Variants in DIDO1 observed in about 807,000 individuals in gnomAD.
DIDO1 encodes death inducer-obliterator 1, also known as death-inducer obliterator 1.
Under a neutral mutation model 99.4 loss-of-function variants are expected in DIDO1, and 16 were observed. The observed-to-expected ratio is 0.16, with a 90% confidence interval of 0.11 to 0.24. DIDO1 has a LOEUF of 0.24. DIDO1 is among the 10% of genes least tolerant of loss of function. The pLI is 1.00. For synonymous variants in DIDO1, 1,366 were observed against 1,239.1 expected, an observed-to-expected ratio of 1.10 and a Z score of -2.15; for missense variants, 2,996 against 3,014.0, an observed-to-expected ratio of 0.99 and a Z score of 0.14.
intron 15 of DIDO1, among the ~76,000 whole-genome samples, chr20:62,886,256 G>A (rs1235111576): frequency 6.6e-6 from 1 of 152,264 alleles, no homozygotes; most frequent in African/African-American, 2.4e-5. Context: ...GAAGGGTACT[G>A]ATCAGGCCTG....
At chr20:62,910,135 TAG>T in intron 3 of DIDO1, 115 bp from the exon 4 acceptor site, 1 of 1,152,780 alleles carries the variant, frequency 8.7e-7, no homozygotes, top group Non-Finnish European at 1.2e-6. Context: ...TACAGAAAAG[TAG>T]AGATTAAGAA....
Position 62,883,464 on chromosome 20 carries a change from G to A in DIDO1, c.3542-1050C>T, listed in dbSNP as rs765480180. On this transcript the variant is annotated intron_variant, in intron 15 of 15. Coordinates refer to ENST00000395343, the MANE Select transcript of DIDO1 (RefSeq NM_001193369.2). ...TTCCAGCACTTTGGGAGGCCAAGGCGGGTGGATCACAAAGTCAAGAGTTTG... is the reference window on the plus strand; with the variant it reads ...TTCCAGCACTTTGGGAGGCCAAGGCAGGTGGATCACAAAGTCAAGAGTTTG... 1.8e-3 allele frequency among the ~76,000 whole-genome samples: 270 copies of A among 152,038 alleles called. 1 individual carries two copies. The highest frequency in any genetic ancestry group is 7.3e-3 in the Admixed American group (112 of 15,280).
At position 62,909,966 on chromosome 20, in the gene DIDO1, G is replaced by C. The variant is rs376585082; in HGVS notation, c.894C>G (p.Gly298=). 1,488 of 1,613,034 alleles carry C rather than the reference G, an allele frequency of 9.2e-4. 1 individual carries two copies. Among genetic ancestry groups the C allele is most frequent in the Non-Finnish European group, 1.2e-3 (1,387 of 1,180,022 alleles). Residue 298 remains glycine, a synonymous_variant, in exon 4 of 16, where the codon GGC becomes GGG. Transcript: ENST00000395343. ...AAAGCCTCCCTCGAGCCTCAGAAAT[G>C]CCCACACAATCGCCATGAAACCATT... ...CEEWFHGDCV[G]ISEARGRLLE...
chr20:62,937,571 C>T (rs563237587), intron 1 of DIDO1, among the ~76,000 whole-genome samples: 1 of 152,358 alleles, frequency 6.6e-6, no homozygotes, highest in Admixed American at 6.5e-5. Context: ...AACAACATCT[C>T]GAGTAAAGCG....
At chr20:62,903,566 A>G (rs535261865) in intron 6 of DIDO1, among the ~76,000 whole-genome samples, 50 of 152,332 alleles carry the variant, frequency 3.3e-4, no homozygotes, top group Middle Eastern at 3.4e-3. Context: ...TTGAGCCTAC[A>G]AAAGTGCAGA....
At chr20:62,917,082 A>G (rs982281283) in intron 1 of DIDO1, among the ~76,000 whole-genome samples, 7 of 152,146 alleles carry the variant, frequency 4.6e-5, no homozygotes, top group African/African-American at 1.7e-4. Flanking sequence ...ATCAAGGATC[A>G]CTGCAGCCTC....
chr20:62,898,417 A>T (rs2064585772), intron 6 of DIDO1, among the ~76,000 whole-genome samples: 1 of 152,254 alleles, frequency 6.6e-6, no homozygotes. Flanking sequence ...CAAAACTTGC[A>T]ACAGTACTAC....
chr20:62,906,092 A>G lies in DIDO1; in HGVS notation c.1383T>C (p.Ile461=). ...SLPKCGAQAG[I]KISSVHKRPA... is the part of the protein sequence containing the mutation. Reference sequence around the variant, plus strand: ...GTCTCTTGTGCACAGAAGAGATTTTAATACCTGCCTGGATAATCAGTAAAA... The same window carrying G: ...GTCTCTTGTGCACAGAAGAGATTTTGATACCTGCCTGGATAATCAGTAAAA... The change falls in exon 6 of 16, where the codon ATT becomes ATC. Residue 461 remains isoleucine (I), a synonymous_variant. Coordinates refer to ENST00000395343, the MANE Select transcript of DIDO1 (RefSeq NM_001193369.2). The G allele has an allele frequency of 6.2e-7, 1 of 1,608,932 alleles. No homozygotes were observed. Among genetic ancestry groups the G allele is most frequent in the Non-Finnish European group, 8.5e-7 (1 of 1,177,330 alleles).
chr20:62,890,677 G>A (rs1046264988), intron 15 of DIDO1: 17 of 1,283,564 alleles, frequency 1.3e-5, no homozygotes, highest in Non-Finnish European at 1.5e-5. Context: ...TCTGGGCACT[G>A]AGTCTTCTCT....
intron 1 of DIDO1, among the ~76,000 whole-genome samples, chr20:62,917,068 T>C (rs542643099): frequency 1.1e-4 from 16 of 152,196 alleles, no homozygotes; most frequent in African/African-American, 3.1e-4. Context: ...AGTGCAGTGG[T>C]GCAATCAAGG....
At chr20:62,893,322 A>C (rs1437074772) in intron 12 of DIDO1, among the ~76,000 whole-genome samples, 1 of 152,248 alleles carries the variant, frequency 6.6e-6, no homozygotes, top group African/African-American at 2.4e-5. Flanking sequence ...CAAAGACTTT[A>C]TATGTAAAAG....
chr20:62,913,471 A>G (rs2064984858), intron 2 of DIDO1, among the ~76,000 whole-genome samples: 1 of 152,270 alleles, frequency 6.6e-6, no homozygotes, highest in Admixed American at 6.5e-5. Context: ...ATTAAGGGCA[A>G]AGCAGAGAAT....
intron 6 of DIDO1, among the ~76,000 whole-genome samples, chr20:62,897,197 A>T (rs1291098830): frequency 6.6e-6 from 1 of 152,246 alleles, no homozygotes; most frequent in Non-Finnish European, 1.5e-5. Flanking sequence ...TATGACGGTG[A>T]CTACATTTTA....
chr20:62,890,276 T>C (rs1276704361), intron 15 of DIDO1: 1 of 985,812 alleles, frequency 1.0e-6, no homozygotes, highest in Non-Finnish European at 1.2e-6. Flanking sequence ...CTAACTGAAG[T>C]CACATCAGCT....
chr20:62,907,475 C>T (rs2064833356), intron 4 of DIDO1, 116 bp from the exon 5 acceptor site: 13 of 953,240 alleles, frequency 1.4e-5, no homozygotes, highest in Non-Finnish European at 1.9e-5. Context: ...AAATGAGATA[C>T]TAACAGTACT....
chr20:62,888,801 G>T (rs2064343085), intron 15 of DIDO1: 1 of 985,352 alleles, frequency 1.0e-6, no homozygotes, highest in African/African-American at 1.7e-5. Context: ...GGCCCGGGGT[G>T]AAGGCTGTTT....
At chr20:62,899,314 G>A (rs2064608323) in intron 6 of DIDO1, among the ~76,000 whole-genome samples, 1 of 152,248 alleles carries the variant, frequency 6.6e-6, no homozygotes. Flanking sequence ...CCTTGGCTGT[G>A]ACACACAGAA....
In DIDO1 at chr20:62,896,982, T is replaced by C. The variant is rs756753877; in HGVS notation, c.1603A>G (p.Arg535Gly). The change falls in exon 7 of 16, where the codon AGG (arginine) becomes GGG (glycine). Residue 535 changes from arginine (R) to glycine (G), a missense_variant. By Grantham distance (125) the Arg-to-Gly change is moderately radical (BLOSUM62 -2). Transcript: ENST00000395343. This position sits in a 1 kb window ranked among gnomAD's most constrained non-coding sequence, Gnocchi z 4.4. ...SLLYKSTKEDRRSEEKAAAMA... is the reference protein window; with the variant it reads ...SLLYKSTKEDGRSEEKAAAMA... ...GCTGCCGCTTTCTCCTCGGACCTCCTGTCTTCCTTCGTGGCTACAAAGAAG... is the reference window on the plus strand; with the variant it reads ...GCTGCCGCTTTCTCCTCGGACCTCCCGTCTTCCTTCGTGGCTACAAAGAAG... The C allele has an allele frequency of 3.1e-6, 5 of 1,612,104 alleles. No individual in the cohort carries two copies. In the South Asian group the frequency reaches 4.4e-5, roughly 14 times the overall value.
Position 62,881,308 on chromosome 20 carries a change from G to A in DIDO1, c.4648C>T (p.Pro1550Ser), listed in dbSNP as rs752350154. 2 of 1,604,748 alleles carry A rather than the reference G, an allele frequency of 1.2e-6. No individual in the cohort carries two copies. The highest frequency in any genetic ancestry group is 2.2e-5 in the East Asian group (1 of 44,872). Reference sequence around the variant, plus strand: ...CTGTGGTTTGACGCCTGGCTGGCGGGGGGCAGTGAGGCGGGCTTGTCTGCA... The same window carrying A: ...CTGTGGTTTGACGCCTGGCTGGCGGAGGGCAGTGAGGCGGGCTTGTCTGCA... ...QSADKPASLPPASQASNHRDP... is the reference protein window; with the variant it reads ...QSADKPASLPSASQASNHRDP... The change falls in exon 16 of 16, where the codon CCC becomes TCC. Residue 1550 changes from proline (P) to serine (S), a missense_variant. By Grantham distance (74) the Pro-to-Ser change is moderately conservative. Around this residue, in one of 5 missense-constraint regions of DIDO1, gnomAD observed 1,562 missense variants for 1,412.6 expected, o/e 1.11. Transcript: ENST00000395343. The surrounding 1 kb of genome is among the most constrained non-coding windows in gnomAD (Gnocchi z 8.3).
Sources: gnomAD v4.1 joint callset for allele counts (sites outside exome capture counted in the v4.1 genomes callset) on GRCh38, gnomAD v4.1.1 for gene constraint, gnomAD v4.1.1 regional missense constraint, Gnocchi (gnomAD v3.1) non-coding constraint, MANE v1.5 for transcripts, NCBI Gene and HGNC (gene_info 2026-07-23, HGNC 2026-07-21) for gene names.